The following SLC1A2 variants were observed in gnomAD, a reference collection of about 807,000 sequenced individuals.
SLC1A2 encodes excitatory amino acid transporter 2.
A neutral mutation model predicts 48.8 loss-of-function variants in SLC1A2; 15 were observed. The ratio of observed to expected loss-of-function variants is 0.31; its 90% confidence interval spans 0.21 to 0.47. The LOEUF (loss-of-function observed/expected upper bound fraction) is 0.47. SLC1A2 is among the 20% of genes least tolerant of loss of function. The pLI is 0.99. For missense variants in SLC1A2, 502 were observed against 730.5 expected, an observed-to-expected ratio of 0.69 and a Z score of 3.61; for synonymous variants, 279 against 272.6, an observed-to-expected ratio of 1.02 and a Z score of -0.23.
At position 35,280,979 on chromosome 11, in the gene SLC1A2, C is replaced by T. The variant is rs374090482; in HGVS notation, c.1309G>A (p.Val437Ile). 4.6e-4 allele frequency: 745 copies of T among 1,610,338 alleles called. 13 individuals are homozygous for T. The South Asian group carries it at 7.5e-3, about 16-fold the overall frequency. Reference protein sequence around the residue: ...TVSLTATLASVGAASIPSAGL... With the variant: ...TVSLTATLASIGAASIPSAGL... ...GCACTGGGGATACTGGCCGCGCCGA[C>T]GCTTGCCAGGGTGGCTGTGAGGCTA... is the stretch of plus-strand genomic sequence containing the variant. The change falls in exon 9 of 11, where the codon GTC becomes ATC. Residue 437 changes from valine (V) to isoleucine (I), a missense_variant. This residue lies in a region of SLC1A2 where 309 missense variants were observed against 480.3 expected (regional missense o/e 0.64). Transcript: ENST00000278379.
chr11:35,277,845 T>C (rs1265481674), intron 9 of SLC1A2, among the ~76,000 whole-genome samples: 1 of 152,252 alleles, frequency 6.6e-6, no homozygotes, highest in African/African-American at 2.4e-5. Flanking sequence ...GAGCTGCTAC[T>C]ATTTGCTCTG....
At chr11:35,294,903 G>A (rs1851124939) in intron 6 of SLC1A2, among the ~76,000 whole-genome samples, 1 of 152,160 alleles carries the variant, frequency 6.6e-6, no homozygotes, top group Admixed American at 6.6e-5. Context: ...TTATAAATAT[G>A]GCAAGAAGAA....
chr11:35,370,960 C>T, intron 1 of SLC1A2: 1 of 985,282 alleles, frequency 1.0e-6, no homozygotes, highest in Non-Finnish European at 1.2e-6. Flanking sequence ...TTGGATAAAT[C>T]ATTCCATTTC....
chr11:35,295,576 C>G (rs925342686), intron 6 of SLC1A2, among the ~76,000 whole-genome samples: 3 of 152,168 alleles, frequency 2.0e-5, no homozygotes, highest in African/African-American at 7.2e-5. Context: ...AGTTCTGAAG[C>G]CAAATAATGC....
At chr11:35,368,628 G>T (rs1298753765) in intron 1 of SLC1A2, among the ~76,000 whole-genome samples, 1 of 152,206 alleles carries the variant, frequency 6.6e-6, no homozygotes, top group Non-Finnish European at 1.5e-5. Context: ...AGCAGCAAGG[G>T]TTGTCATGAA....
At chr11:35,381,632 C>A (rs183107249) in intron 1 of SLC1A2, among the ~76,000 whole-genome samples, 175 of 152,182 alleles carry the variant, frequency 1.1e-3, no homozygotes, top group African/African-American at 4.0e-3. Context: ...CACTGAAGTA[C>A]AAGCCACAGC....
At chr11:35,332,173 A>G (rs531845069) in intron 1 of SLC1A2, among the ~76,000 whole-genome samples, 1 of 152,354 alleles carries the variant, frequency 6.6e-6, no homozygotes, top group South Asian at 2.1e-4. Context: ...AGGGCTTCTA[A>G]TTACCACAAG....
At chr11:35,375,624 G>A (rs913962574) in intron 1 of SLC1A2, among the ~76,000 whole-genome samples, 1 of 152,138 alleles carries the variant, frequency 6.6e-6, no homozygotes, top group East Asian at 1.9e-4. Context: ...GTTGGGCCAC[G>A]AGAACCATGT....
chr11:35,388,402 T>C (rs1021603347), intron 1 of SLC1A2, among the ~76,000 whole-genome samples: 19 of 152,218 alleles, frequency 1.2e-4, no homozygotes, highest in African/African-American at 4.3e-4. Flanking sequence ...GTTTTTGTTT[T>C]GTTTTGTTTT....
intron 1 of SLC1A2, among the ~76,000 whole-genome samples, chr11:35,327,472 CAG>C (rs1318622411): frequency 6.6e-6 from 1 of 152,156 alleles, no homozygotes; most frequent in Non-Finnish European, 1.5e-5. Flanking sequence ...CAGGTTATAA[CAG>C]AGTGACCTCA....
intron 1 of SLC1A2, among the ~76,000 whole-genome samples, chr11:35,321,777 C>T (rs1430840132): frequency 4.6e-5 from 7 of 152,102 alleles, no homozygotes; most frequent in African/African-American, 1.2e-4. Flanking sequence ...GGAAGTCCAC[C>T]GGATACACAG....
At chr11:35,391,404 AT>A (rs1230354875) in intron 1 of SLC1A2, 2 of 152,322 alleles carry the variant, frequency 1.3e-5, no homozygotes, top group East Asian at 3.9e-4. Flanking sequence ...CGATTAAGTA[AT>A]TTGCCTGAGG....
chr11:35,333,707 G>C (rs1219310894), intron 1 of SLC1A2, among the ~76,000 whole-genome samples: 3 of 151,956 alleles, frequency 2.0e-5, no homozygotes, highest in Non-Finnish European at 4.4e-5. Flanking sequence ...TGTTGCCCAA[G>C]CTGGAGTGCA....
At position 35,419,386 on chromosome 11, in the gene SLC1A2, AG is replaced by A. The variant is rs1470623278; in HGVS notation, c.-421del. ...TGGCGGGAGCAGAGAGTGGTGGCAG[AG>A]GACGGTGAGCGTGCGTGCGCGTGTG... On this transcript the variant is annotated 5_prime_UTR_variant, in exon 1 of 11. Coordinates refer to ENST00000278379, the MANE Select transcript of SLC1A2 (RefSeq NM_004171.4). This position sits in a 1 kb window ranked among gnomAD's most constrained non-coding sequence, Gnocchi z 5.4. 2 of 203,414 alleles carry A rather than the reference AG, an allele frequency of 9.8e-6. No individual in the cohort carries two copies. Among genetic ancestry groups the A allele is most frequent in the Non-Finnish European group, 2.0e-5 (2 of 102,342 alleles). 12.6% of individuals were successfully genotyped at this position (203,414 alleles called of 1,614,324 possible). A position where few individuals can be genotyped will look rare whatever the true frequency, so the allele number is the denominator to read the frequency against.
At chr11:35,314,511 G>T (rs769482044) in intron 3 of SLC1A2, among the ~76,000 whole-genome samples, 2 of 152,040 alleles carry the variant, frequency 1.3e-5, no homozygotes, top group Non-Finnish European at 2.9e-5. Flanking sequence ...TCAGGAGTTC[G>T]AGACCAGCTT....
At chr11:35,286,425 A>T (rs1850821326) in intron 8 of SLC1A2, 1 of 178,054 alleles carries the variant, frequency 5.6e-6, no homozygotes, top group Non-Finnish European at 1.2e-5. Flanking sequence ...GTAGCCATGG[A>T]CAAACTACCA....
At chr11:35,301,450 T>G in intron 6 of SLC1A2, 69 bp downstream of exon 6, 1 of 1,491,604 alleles carries the variant, frequency 6.7e-7, no homozygotes, top group Non-Finnish European at 9.2e-7. Flanking sequence ...CAGGGAGAGC[T>G]CCAGTATCCT....
At chr11:35,418,417 C>T (rs1855674574) in intron 1 of SLC1A2, 1 of 152,838 alleles carries the variant, frequency 6.5e-6, no homozygotes, top group Non-Finnish European at 1.5e-5. Context: ...CAGGGAGATT[C>T]CGCCTTCCAG....
intron 1 of SLC1A2, among the ~76,000 whole-genome samples, chr11:35,339,614 G>T (rs1365187744): frequency 6.6e-6 from 1 of 152,166 alleles, no homozygotes; most frequent in Non-Finnish European, 1.5e-5. Flanking sequence ...TCAAATGAGA[G>T]AATGGATTCA....
Sources: allele counts gnomAD v4.1 joint callset (sites outside exome capture counted in the v4.1 genomes callset), GRCh38; gene constraint gnomAD v4.1.1; regional missense constraint gnomAD v4.1.1; non-coding constraint Gnocchi (gnomAD v3.1); transcripts MANE v1.5; gene names NCBI Gene and HGNC (gene_info 2026-07-23, HGNC 2026-07-21).